The following SYNE2 variants were observed in gnomAD, a reference collection of about 807,000 sequenced individuals.
The protein encoded by SYNE2 is spectrin repeat containing nuclear envelope protein 2.
In SYNE2, 431 loss-of-function variants were observed where a neutral mutation model predicts 856.3. The ratio of observed to expected loss-of-function variants is 0.50; its 90% CI spans 0.47 to 0.55. The LOEUF is 0.55. SYNE2 is among the 20% of genes least tolerant of loss of function. The probability of loss-of-function intolerance (pLI) is 0.00; values close to 1 mark genes in which losing one functional copy is unlikely to be tolerated. For missense variants in SYNE2, 8,129 were observed against 8,023.2 expected (o/e 1.01, Z -0.50); for synonymous variants, 2,923 against 2,872.3 (o/e 1.02, Z -0.56).
At chr14:64,156,402 A>T (rs1380077588) in intron 85 of SYNE2, among the ~76,000 whole-genome samples, 1 of 152,020 alleles carries the variant, frequency 6.6e-6, no homozygotes, top group Admixed American at 6.6e-5. Flanking sequence ...TCTAGCAAAA[A>T]TGTACATCGA....
intron 11 of SYNE2, among the ~76,000 whole-genome samples, chr14:63,974,888 G>GTATA (rs1370206967): frequency 9.5e-4 from 25 of 26,448 alleles, no homozygotes; most frequent in Admixed American, 4.5e-3. Context: ...GTGTGTGTGT[G>GTATA]TGTGTATATA....
At chr14:64,115,488 G>A (rs1025296331) in intron 66 of SYNE2, among the ~76,000 whole-genome samples, 5 of 152,174 alleles carry the variant, frequency 3.3e-5, no homozygotes, top group African/African-American at 1.2e-4. Flanking sequence ...AGCGCCGAAG[G>A]GCAGCAGAGG....
At chr14:64,215,169 T>TA (rs1221702169) in intron 106 of SYNE2, 117 bp from the exon 107 acceptor site, 5 of 989,482 alleles carry the variant, frequency 5.1e-6, no homozygotes, top group African/African-American at 4.9e-5. Context: ...TCCTTTTAAT[T>TA]AAAAAAATAA....
At chr14:64,073,881 T>C in intron 52 of SYNE2, 87 bp from the exon 53 acceptor site, 1 of 1,435,696 alleles carries the variant, frequency 7.0e-7, no homozygotes, top group Non-Finnish European at 9.8e-7. Flanking sequence ...ATTCAGGCAT[T>C]TCATTAATTG....
chr14:64,187,945 C>T (rs2098500254), intron 97 of SYNE2, among the ~76,000 whole-genome samples: 1 of 152,154 alleles, frequency 6.6e-6, no homozygotes, highest in Non-Finnish European at 1.5e-5. Context: ...TGGGGTCAGC[C>T]TGCTTGCTGC....
intron 27 of SYNE2, among the ~76,000 whole-genome samples, chr14:63,999,839 C>G (rs1236069429): frequency 6.6e-6 from 1 of 152,224 alleles, no homozygotes; most frequent in East Asian, 1.9e-4. Context: ...ACTCCACCAT[C>G]TGGCTGCTCT....
chr14:64,137,691 G>T (rs1227711160), intron 78 of SYNE2, 96 bp from the exon 79 acceptor site: 18 of 1,267,438 alleles, frequency 1.4e-5, no homozygotes, highest in Middle Eastern at 2.1e-4. Flanking sequence ...TGTTTTATCA[G>T]TGGACACAAA....
At chr14:64,092,087 A>G (rs1301249916) in intron 60 of SYNE2, among the ~76,000 whole-genome samples, 1 of 152,148 alleles carries the variant, frequency 6.6e-6, no homozygotes, top group East Asian at 1.9e-4. Flanking sequence ...TCAATGTACT[A>G]CCTTGTAATA....
intron 1 of SYNE2, among the ~76,000 whole-genome samples, chr14:63,763,000 A>G (rs1042793746): frequency 6.6e-6 from 1 of 152,152 alleles, no homozygotes; most frequent in African/African-American, 2.4e-5. Flanking sequence ...ACAGAGTCTC[A>G]CCTGTGGCCC....
chr14:64,070,224 C>T (rs952937133), intron 51 of SYNE2, among the ~76,000 whole-genome samples: 1 of 152,106 alleles, frequency 6.6e-6, no homozygotes, highest in Admixed American at 6.5e-5. Flanking sequence ...TTTTAGCATA[C>T]AGGGATTGGA....
In SYNE2 at chr14:64,027,154, T is replaced by A. The variant is rs140647671; in HGVS notation, c.6405-330T>A. Among the ~76,000 whole-genome samples, 4 of 152,312 alleles carry A rather than the reference T, an allele frequency of 2.6e-5. No homozygotes were observed. The East Asian group carries it at 7.7e-4, about 29-fold the overall frequency. On this transcript the variant is annotated intron_variant, in intron 42 of 115. Transcript: ENST00000555002. ...CTAGTTAGTTGGTTAATATACGGAA[T>A]GTTTGTTTTACTTTATGAAGAAGTA...
chr14:64,200,800 G>A (rs1171740448), intron 99 of SYNE2, among the ~76,000 whole-genome samples: 1 of 152,206 alleles, frequency 6.6e-6, no homozygotes, highest in Non-Finnish European at 1.5e-5. Flanking sequence ...CAGCTACCCA[G>A]TGAAGGAAGG....
At position 64,057,391 on chromosome 14, in the gene SYNE2, G is replaced by C. The variant is rs2097280678; in HGVS notation, c.10067+1125G>C. On this transcript the variant is annotated intron_variant, in intron 49 of 115. Coordinates refer to ENST00000555002, the MANE Select transcript of SYNE2 (RefSeq NM_182914.3). ...ATGTGATGTTTGTCTTTCTGTGCCTGGCTTATTTCACTTAACATAATGACC... is the reference window on the plus strand; with the variant it reads ...ATGTGATGTTTGTCTTTCTGTGCCTCGCTTATTTCACTTAACATAATGACC... Among the ~76,000 whole-genome samples the C allele has an allele frequency of 4.6e-5, 7 of 151,872 alleles. No homozygotes were observed. In the South Asian group the frequency reaches 1.5e-3, roughly 32 times the overall value.
Position 64,139,045 on chromosome 14 carries a change from G to A in SYNE2, c.14844-896G>A, listed in dbSNP as rs1262307939. On this transcript the variant is annotated intron_variant, in intron 79 of 115. Transcript: ENST00000555002. ...GTCACCCAGGCTGGAGTGCAGTGGC[G>A]TGATCGTGGCTCACTGCAGCCTTGA... Among the ~76,000 whole-genome samples, 4 of 151,602 alleles carry A rather than the reference G, an allele frequency of 2.6e-5. No homozygotes were observed. The East Asian group carries it at 5.8e-4, about 22-fold the overall frequency.
chr14:64,034,249 G>T (rs892507500), intron 45 of SYNE2, among the ~76,000 whole-genome samples: 6 of 152,084 alleles, frequency 3.9e-5, no homozygotes, highest in African/African-American at 1.4e-4. Flanking sequence ...GTGAAAATAA[G>T]CACTTTAGTC....
At chr14:64,131,407 A>AAAT (rs2098019252) in intron 76 of SYNE2, among the ~76,000 whole-genome samples, 2 of 152,330 alleles carry the variant, frequency 1.3e-5, no homozygotes, top group South Asian at 4.1e-4. Flanking sequence ...GGATTCCTAT[A>AAAT]AAGCAGCAAA....
At chr14:63,955,366 T>G (rs1201807112) in intron 8 of SYNE2, among the ~76,000 whole-genome samples, 2 of 152,220 alleles carry the variant, frequency 1.3e-5, no homozygotes, top group African/African-American at 4.8e-5. Context: ...GGTCATTGAT[T>G]CTGCTCAGTC....
chr14:64,167,767 A>T (rs2098388957), intron 92 of SYNE2, 128 bp downstream of exon 92: 1 of 1,256,184 alleles, frequency 8.0e-7, no homozygotes, highest in South Asian at 1.3e-5. Flanking sequence ...CCTTTAAGCA[A>T]ATTCAGTTGT....
intron 1 of SYNE2, among the ~76,000 whole-genome samples, chr14:63,872,054 A>G (rs1362009613): frequency 1.3e-5 from 2 of 152,166 alleles, no homozygotes; most frequent in African/African-American, 2.4e-5. Context: ...AAAGTATTTG[A>G]CAGCTGGTAG....
Sources: allele counts gnomAD v4.1 joint callset (sites outside exome capture counted in the v4.1 genomes callset), GRCh38; gene constraint gnomAD v4.1.1; transcripts MANE v1.5; gene names NCBI Gene and HGNC (gene_info 2026-07-23, HGNC 2026-07-21).